The following FAM153A variants were observed in gnomAD, a reference collection of about 807,000 sequenced individuals.
FAM153A encodes the protein protein FAM153A.
A neutral mutation model predicts 48.1 loss-of-function variants in FAM153A; 12 were observed. The observed-to-expected ratio is 0.25, with a 90% CI of 0.16 to 0.40. The LOEUF is 0.40. FAM153A is among the 10% of genes least tolerant of loss of function. FAM153A has a pLI of 1.00. For synonymous variants in FAM153A, 36 were observed against 118.2 expected, an observed-to-expected ratio of 0.30 and a Z score of 4.51; for missense variants, 111 against 345.8, an observed-to-expected ratio of 0.32 and a Z score of 5.38.
chr5:177,710,413 A>G (rs572094399), downstream of FAM153A, among the ~76,000 whole-genome samples: 14 of 151,782 alleles, frequency 9.2e-5, no homozygotes, highest in South Asian at 2.9e-3. Context: ...CATCTGGCCA[A>G]TACATTTTTT....
chr5:177,737,230 A>G, intron 10 of FAM153A, 118 bp from the exon 13 acceptor site: 1 of 1,583,160 alleles, frequency 6.3e-7, no homozygotes, highest in Non-Finnish European at 8.6e-7. Context: ...GCACAGACTC[A>G]GCTGCTGCCA....
intron 1 of FAM153A, among the ~76,000 whole-genome samples, chr5:177,778,951 A>T (rs1246965245): frequency 9.1e-6 from 1 of 110,486 alleles, no homozygotes; most frequent in Non-Finnish European, 1.9e-5. Flanking sequence ...AATAGACACC[A>T]TATTCTAGCC....
chr5:177,698,185 T>C, the FAM153A span, among the ~76,000 whole-genome samples: 1 of 151,656 alleles, frequency 6.6e-6, no homozygotes, highest in Non-Finnish European at 1.5e-5. Context: ...AGGTTCTCAT[T>C]TGTACTTTCC....
intron 10 of FAM153A, among the ~76,000 whole-genome samples, chr5:177,738,446 G>A (rs1765035733): frequency 6.6e-6 from 1 of 151,306 alleles, no homozygotes; most frequent in African/African-American, 2.5e-5. Context: ...AATCCTACAT[G>A]AGAGACAGTG....
intron 24 of FAM153A, among the ~76,000 whole-genome samples, chr5:177,716,964 A>AGTGTGTGTGTGTGTGTGT (rs59312087): frequency 0.012 from 1,562 of 127,618 alleles, 36 homozygotes; most frequent in East Asian, 0.025. Flanking sequence ...ATTCCCGCTT[A>AGTGTGTGTGTGTGTGTGT]GTGTGTGTGT....
At chr5:177,698,171 G>T in the FAM153A span, among the ~76,000 whole-genome samples, 1 of 151,526 alleles carries the variant, frequency 6.6e-6, no homozygotes, top group African/African-American at 2.4e-5. Flanking sequence ...TGCCAACCAA[G>T]GAAAGGTTCT....
At chr5:177,715,307 A>G (rs1759473835) in intron 25 of FAM153A, among the ~76,000 whole-genome samples, 1 of 144,294 alleles carries the variant, frequency 6.9e-6, no homozygotes, top group East Asian at 2.0e-4. Flanking sequence ...ACACAATAAT[A>G]TTATAACAAG....
the FAM153A span, among the ~76,000 whole-genome samples, chr5:177,697,692 C>G: frequency 1.3e-5 from 2 of 151,950 alleles, no homozygotes; most frequent in South Asian, 2.1e-4. Context: ...AGATCTTGTT[C>G]CAAATCCCTA....
chr5:177,707,623 C>CTT (rs147632275), downstream of FAM153A, among the ~76,000 whole-genome samples: 46 of 150,228 alleles, frequency 3.1e-4, no homozygotes, highest in East Asian at 1.6e-3. Flanking sequence ...GATTAAATAA[C>CTT]TTTTTTTTTT....
chr5:177,755,385 A>G (rs1767621185), upstream of FAM153A, among the ~76,000 whole-genome samples: 1 of 151,866 alleles, frequency 6.6e-6, no homozygotes, highest in Non-Finnish European at 1.5e-5. Context: ...TGATGGGGAG[A>G]ATGGAACCAA....
chr5:177,711,939 T>A (rs1157719182), exon 27 of FAM153A: 3 of 151,980 alleles, frequency 2.0e-5, no homozygotes, highest in Non-Finnish European at 4.4e-5. Flanking sequence ...GTTACAAGAA[T>A]AACGGAAAGC....
rs749191974 is a variant in FAM153A at position 177,734,872 on chromosome 5, C to G, written c.726G>C (p.Glu242Asp). ...ATCCAGTTGGCCTGACCTTCACCTC[C>G]TCTGGGTCCTCCTCCTCACCGTTGT... is the stretch of plus-strand genomic sequence containing the variant. Residue 242 changes from glutamate to aspartate, a missense_variant, in exon 13 of 21, where the codon GAG (glutamate) becomes GAC (aspartate). Physicochemically the swap from Glu to Asp is conservative, Grantham distance 45. Coordinates refer to ENST00000614127, the Ensembl canonical transcript of FAM153A. 59 of 1,464,382 alleles carry G rather than the reference C, an allele frequency of 4.0e-5. No individual in the cohort carries two copies. Among genetic ancestry groups the G allele is most frequent in the Non-Finnish European group, 5.1e-5 (54 of 1,058,674 alleles). The allele number at this position is 1,464,382 out of a possible 1,614,324, so 90.7% of individuals were successfully genotyped here.
intron 10 of FAM153A, among the ~76,000 whole-genome samples, chr5:177,738,367 T>C (rs1179290369): frequency 1.3e-5 from 2 of 151,404 alleles, no homozygotes; most frequent in African/African-American, 2.5e-5. Context: ...CTGTTTCCCA[T>C]GTGTCACCAC....
chr5:177,706,013 A>G (rs1169947125), downstream of FAM153A, among the ~76,000 whole-genome samples: 1 of 151,872 alleles, frequency 6.6e-6, no homozygotes, highest in Admixed American at 6.5e-5. Flanking sequence ...TTTTGCATGC[A>G]TGGATTGAAA....
At chr5:177,737,772 G>A (rs983037902) in intron 10 of FAM153A, among the ~76,000 whole-genome samples, 1 of 151,560 alleles carries the variant, frequency 6.6e-6, no homozygotes, top group Non-Finnish European at 1.5e-5. Flanking sequence ...CACCCGTCTT[G>A]GCCCCCCAAA....
At chr5:177,759,125 G>GA (rs1312589670) in intron 1 of FAM153A, among the ~76,000 whole-genome samples, 7 of 151,304 alleles carry the variant, frequency 4.6e-5, no homozygotes, top group Non-Finnish European at 8.8e-5. Context: ...AAATTTACAA[G>GA]AAAAAAACAA....
chr5:177,712,670 T>G (rs1239973684), exon 27 of FAM153A: 4 of 151,424 alleles, frequency 2.6e-5, no homozygotes, highest in African/African-American at 9.8e-5. Flanking sequence ...CAGCTATCAG[T>G]ACACCTCTCT....
At chr5:177,715,239 C>T (rs1415067122) in intron 25 of FAM153A, among the ~76,000 whole-genome samples, 1 of 151,736 alleles carries the variant, frequency 6.6e-6, no homozygotes, top group Non-Finnish European at 1.5e-5. Context: ...GCCTCAGCCT[C>T]CCAAAGTGCT....
chr5:177,751,468 C>T (rs7446170), intron 1 of FAM153A, among the ~76,000 whole-genome samples: 15,659 of 64,264 alleles, frequency 0.24, 2,352 homozygotes, highest in Middle Eastern at 0.31. Flanking sequence ...CTAAGTGCCA[C>T]AAAGTGTTCA....
Sources: gnomAD v4.1 joint callset for allele counts (sites outside exome capture counted in the v4.1 genomes callset) on GRCh38, gnomAD v4.1.1 for gene constraint, MANE v1.5 for transcripts, NCBI Gene and HGNC (gene_info 2026-07-23, HGNC 2026-07-21) for gene names.